GPC5: variants seen among roughly 807,000 people sequenced by gnomAD.
GPC5 encodes glypican-5.
A neutral mutation model predicts 53.9 loss-of-function variants in GPC5; 47 were observed. The observed-to-expected ratio is 0.87, with a 90% CI of 0.69 to 1.11. The LOEUF is 1.11. Ranked by LOEUF, GPC5 falls within the 50% of genes most tolerant of loss-of-function variation. The pLI is 0.00. For missense variants in GPC5, 748 were observed against 713.1 expected (o/e 1.05, Z -0.56); for synonymous variants, 286 against 263.3 (o/e 1.09, Z -0.84).
chr13:91,757,443 T>C (rs573734818), intron 5 of GPC5, among the ~76,000 whole-genome samples: 3 of 152,060 alleles, frequency 2.0e-5, no homozygotes, highest in East Asian at 1.9e-4. Flanking sequence ...TCATCTCGAA[T>C]TGTGGTTCCC....
At chr13:92,692,246 T>C (rs1388157350) in intron 7 of GPC5, among the ~76,000 whole-genome samples, 1 of 152,178 alleles carries the variant, frequency 6.6e-6, no homozygotes, top group Non-Finnish European at 1.5e-5. Context: ...ATGGTGTACC[T>C]ACACCACATT....
intron 2 of GPC5, among the ~76,000 whole-genome samples, chr13:91,490,235 G>C (rs1026947079): frequency 1.3e-5 from 2 of 152,254 alleles, no homozygotes; most frequent in African/African-American, 2.4e-5. Context: ...AATTAAATCG[G>C]TGAATTTGAG....
At chr13:92,027,764 A>G (rs1040101605) in intron 6 of GPC5, among the ~76,000 whole-genome samples, 1 of 152,190 alleles carries the variant, frequency 6.6e-6, no homozygotes, top group African/African-American at 2.4e-5. Context: ...AACATAATAG[A>G]TGAATAAAAG....
chr13:92,574,220 A>G lies in GPC5; in HGVS notation c.1562-292062A>G, dbSNP rs1259334963. Among the ~76,000 whole-genome samples the G allele has an allele frequency of 4.6e-5, 7 of 152,284 alleles. No individual in the cohort carries two copies. The East Asian group carries it at 1.4e-3, about 29-fold the overall frequency. The stretch of plus-strand genomic sequence containing the variant: ...AGATAAAGTAGAAATCATTTTTGCC[A>G]AGGAAATGACTTTTATCTAAATCCT... On this transcript the variant is annotated intron_variant, in intron 7 of 7. Transcript: ENST00000377067.
chr13:92,743,456 A>G (rs888651323), intron 7 of GPC5, among the ~76,000 whole-genome samples: 3 of 152,170 alleles, frequency 2.0e-5, no homozygotes, highest in Non-Finnish European at 2.9e-5. Flanking sequence ...ACTTTGCTGA[A>G]GTTGCCTAGC....
chr13:92,106,197 G>T (rs144891170), intron 6 of GPC5, among the ~76,000 whole-genome samples: 1,949 of 151,972 alleles, frequency 0.013, 12 homozygotes, highest in African/African-American at 0.02. Context: ...TTCCAAAATG[G>T]TTGTATCAAC....
intron 7 of GPC5, among the ~76,000 whole-genome samples, chr13:92,744,058 G>C (rs961362666): frequency 3.3e-5 from 5 of 151,998 alleles, no homozygotes; most frequent in Admixed American, 6.6e-5. Flanking sequence ...ATTGGGAAGG[G>C]AATTGCAACA....
intron 6 of GPC5, among the ~76,000 whole-genome samples, chr13:92,127,428 C>G (rs2041708033): frequency 6.6e-6 from 1 of 151,662 alleles, no homozygotes; most frequent in South Asian, 2.1e-4. Context: ...AAAAAAAAAT[C>G]CAATGATTTA....
intron 7 of GPC5, among the ~76,000 whole-genome samples, chr13:92,421,121 A>G (rs1876539518): frequency 6.6e-6 from 1 of 152,244 alleles, no homozygotes. Context: ...TGTGAAGTAC[A>G]TGCTTTAATG....
chr13:92,751,954 GT>G (rs1412602717), intron 7 of GPC5, among the ~76,000 whole-genome samples: 5 of 151,268 alleles, frequency 3.3e-5, no homozygotes, highest in South Asian at 2.1e-4. Flanking sequence ...TTGTTACCTT[GT>G]AAAAAAAAGT....
intron 2 of GPC5, among the ~76,000 whole-genome samples, chr13:91,553,226 G>A (rs1476083223): frequency 1.0e-5 from 1 of 98,248 alleles, no homozygotes; most frequent in Non-Finnish European, 2.1e-5. Flanking sequence ...CTCTCACAAG[G>A]TTGTGATGCA....
At chr13:92,720,717 A>G (rs1000515633) in intron 7 of GPC5, among the ~76,000 whole-genome samples, 1 of 152,104 alleles carries the variant, frequency 6.6e-6, no homozygotes, top group Non-Finnish European at 1.5e-5. Context: ...ATGGTCATAG[A>G]AAAAAAGACT....
rs568913019 is a variant in GPC5, at chr13:91,626,713, A to T, written c.326-66474A>T. 4.6e-5 allele frequency among the ~76,000 whole-genome samples: 7 copies of T among 152,100 alleles called. No homozygotes were observed. The South Asian group carries it at 1.5e-3, about 32-fold the overall frequency. Reference sequence around the variant, plus strand: ...ACTTTAAGTTCTAGGGTACATGTGCACTACGTGCAGGTTTGTTACATATGT... The same window carrying T: ...ACTTTAAGTTCTAGGGTACATGTGCTCTACGTGCAGGTTTGTTACATATGT... On this transcript the variant is annotated intron_variant, in intron 2 of 7. Transcript: ENST00000377067.
intron 7 of GPC5, among the ~76,000 whole-genome samples, chr13:92,552,530 A>G (rs1472804222): frequency 1.3e-5 from 2 of 151,982 alleles, no homozygotes; most frequent in African/African-American, 4.8e-5. Flanking sequence ...CTAAGGCTCA[A>G]ATTTGCCAGT....
chr13:92,211,824 G>C (rs1593999995), intron 7 of GPC5, among the ~76,000 whole-genome samples: 1 of 152,188 alleles, frequency 6.6e-6, no homozygotes, highest in African/African-American at 2.4e-5. Flanking sequence ...TCATGGATGT[G>C]AGAAAGGTTT....
At chr13:91,936,425 G>A (rs74106212) in intron 6 of GPC5, among the ~76,000 whole-genome samples, 2,338 of 152,090 alleles carry the variant, frequency 0.015, 53 homozygotes, top group African/African-American at 0.053. Flanking sequence ...CAACATGGCC[G>A]TCTGAGTGCA....
chr13:92,471,088 C>T (rs1398487664), intron 7 of GPC5, among the ~76,000 whole-genome samples: 1 of 151,980 alleles, frequency 6.6e-6, no homozygotes, highest in Non-Finnish European at 1.5e-5. Flanking sequence ...GTGTCCTTAT[C>T]GGGGCTAGAA....
At chr13:91,783,743 T>C (rs1219737276) in intron 5 of GPC5, among the ~76,000 whole-genome samples, 2 of 152,106 alleles carry the variant, frequency 1.3e-5, no homozygotes, top group Admixed American at 1.3e-4. Context: ...TGCCCAGCTA[T>C]TTTTTTAATC....
intron 7 of GPC5, among the ~76,000 whole-genome samples, chr13:92,258,319 C>G (rs890289585): frequency 1.3e-5 from 2 of 152,148 alleles, no homozygotes; most frequent in Non-Finnish European, 2.9e-5. Context: ...TGAAATGTAT[C>G]CTGAAACCTG....
Sources: allele counts gnomAD v4.1 joint callset (sites outside exome capture counted in the v4.1 genomes callset), GRCh38; gene constraint gnomAD v4.1.1; transcripts MANE v1.5; gene names NCBI Gene and HGNC (gene_info 2026-07-23, HGNC 2026-07-21).